Variants in GRID2 observed in about 807,000 individuals in gnomAD.
The protein encoded by GRID2 is glutamate ionotropic receptor delta type subunit 2, also known as glutamate receptor ionotropic, delta-2.
Under a neutral mutation model 114.8 loss-of-function variants are expected in GRID2, and 33 were observed. That is an observed-to-expected ratio of 0.29 (90% CI 0.22 to 0.38). The LOEUF (loss-of-function observed/expected upper bound fraction) is 0.38, where lower values mean the gene tolerates loss of function less well. Among genes scored for constraint, GRID2 ranks in the 10% least tolerant of loss-of-function variants. GRID2 has a pLI of 1.00. For missense variants in GRID2, 1,184 were observed against 1,257.7 expected, an observed-to-expected ratio of 0.94 and a Z score of 0.89; for synonymous variants, 505 against 449.9, an observed-to-expected ratio of 1.12 and a Z score of -1.55.
chr4:92,495,872 G>A (rs1377413797), intron 1 of GRID2, among the ~76,000 whole-genome samples: 2 of 151,848 alleles, frequency 1.3e-5, no homozygotes, highest in Non-Finnish European at 2.9e-5. Flanking sequence ...AGTGAGATCG[G>A]AAAGATTTTA....
chr4:92,351,432 A>G (rs1728066004), intron 1 of GRID2, among the ~76,000 whole-genome samples: 1 of 151,844 alleles, frequency 6.6e-6, no homozygotes, highest in African/African-American at 2.4e-5. Flanking sequence ...TGATACATGT[A>G]TGCAATGTAT....
chr4:92,572,139 G>T (rs1367895339), intron 1 of GRID2, among the ~76,000 whole-genome samples: 2 of 151,908 alleles, frequency 1.3e-5, no homozygotes, highest in East Asian at 1.9e-4. Flanking sequence ...CTGCTAGCAA[G>T]ACTAATAAAG....
intron 1 of GRID2, among the ~76,000 whole-genome samples, chr4:92,413,788 T>A (rs1731451939): frequency 6.6e-6 from 1 of 152,126 alleles, no homozygotes; most frequent in African/African-American, 2.4e-5. Context: ...TGATAGTAAT[T>A]TCACTGCTGT....
chr4:92,771,598 G>A lies in GRID2; in HGVS notation c.244+181312G>A, dbSNP rs181248292. Among the ~76,000 whole-genome samples, 25 of 152,212 alleles carry A rather than the reference G, an allele frequency of 1.6e-4. No individual in the cohort carries two copies. In the East Asian group the frequency reaches 2.7e-3, roughly 16 times the overall value. On this transcript the variant is annotated intron_variant, in intron 2 of 15. Transcript: ENST00000282020. The stretch of plus-strand genomic sequence containing the variant: ...TTTCAAATGGTCTAAGATGTTGTTT[G>A]TCTACATAATTCTTCCTTTGATTAT...
chr4:93,008,032 C>CAAAA (rs1273416294), intron 2 of GRID2, among the ~76,000 whole-genome samples: 2 of 62,462 alleles, frequency 3.2e-5, no homozygotes, highest in Admixed American at 1.8e-4. Flanking sequence ...GAGACTGTCA[C>CAAAA]AAAAAAAAAA....
intron 1 of GRID2, among the ~76,000 whole-genome samples, chr4:92,308,268 A>G (rs185390926): frequency 6.6e-6 from 1 of 152,154 alleles, no homozygotes; most frequent in Non-Finnish European, 1.5e-5. Flanking sequence ...AGTTTAATAT[A>G]TGCTCCTTTC....
intron 2 of GRID2, among the ~76,000 whole-genome samples, chr4:92,967,984 G>A (rs918191083): frequency 4.0e-5 from 6 of 151,786 alleles, no homozygotes; most frequent in African/African-American, 1.5e-4. Context: ...ATGAATGTAA[G>A]CATGAGTGCA....
chr4:92,760,010 G>T (rs2149344614), intron 2 of GRID2, among the ~76,000 whole-genome samples: 1 of 151,428 alleles, frequency 6.6e-6, no homozygotes, highest in South Asian at 2.1e-4. Flanking sequence ...ACATAGCTGA[G>T]GCGGGTGGAT....
rs1732498257 is a variant in GRID2, at chr4:92,432,256, A to ATTTAAGGCC, written c.88+127513_88+127514insTTAAGGCCT. On this transcript the variant is annotated intron_variant, in intron 1 of 15. Transcript: ENST00000282020. Reference sequence around the variant, plus strand: ...GGCGACCACTGCCTGGCTACTACTGATGGTCATTTAAGGCCCAAGGGTTCT... The same window carrying ATTTAAGGCC: ...GGCGACCACTGCCTGGCTACTACTGATTTAAGGCCTGGTCATTTAAGGCCCAAGGGTTCT... Among the ~76,000 whole-genome samples the ATTTAAGGCC allele has an allele frequency of 2.0e-5, 3 of 152,184 alleles. No homozygotes were observed. The East Asian group carries it at 5.8e-4, about 30-fold the overall frequency.
chr4:92,531,439 A>G (rs1560692692), intron 1 of GRID2, among the ~76,000 whole-genome samples: 2 of 152,008 alleles, frequency 1.3e-5, no homozygotes, highest in South Asian at 4.1e-4. Flanking sequence ...CATGGAGACA[A>G]CAACATTTAG....
intron 14 of GRID2, among the ~76,000 whole-genome samples, chr4:93,680,493 C>A (rs1725406061): frequency 6.6e-6 from 1 of 151,196 alleles, no homozygotes; most frequent in African/African-American, 2.4e-5. Flanking sequence ...AATTTTAGAC[C>A]AATATCCTTG....
intron 2 of GRID2, among the ~76,000 whole-genome samples, chr4:92,724,468 A>C (rs944269321): frequency 7.9e-5 from 12 of 152,192 alleles, no homozygotes; most frequent in African/African-American, 2.9e-4. Context: ...AAAAAGTTGC[A>C]CTTGGAGTCT....
rs533715783 is a variant in GRID2, at chr4:92,569,860, A to T, written c.89-20271A>T. 1.2e-3 allele frequency among the ~76,000 whole-genome samples: 184 copies of T among 151,826 alleles called. 2 individuals carry two copies. Among genetic ancestry groups the T allele is most frequent in the Middle Eastern group, 6.8e-3 (2 of 294 alleles). Reference sequence around the variant, plus strand: ...GTTCCTTATAGATGCTGGATATTAGACCTTTGTCAAATGGGTAGATTGCAA... The same window carrying T: ...GTTCCTTATAGATGCTGGATATTAGTCCTTTGTCAAATGGGTAGATTGCAA... On this transcript the variant is annotated intron_variant, in intron 1 of 15. Transcript: ENST00000282020.
Position 92,845,250 on chromosome 4 carries a change from T to C in GRID2, c.245-239745T>C, listed in dbSNP as rs1229994560. Among the ~76,000 whole-genome samples the C allele has an allele frequency of 2.6e-5, 4 of 152,152 alleles. No homozygotes were observed. In the East Asian group the frequency reaches 5.8e-4, roughly 22 times the overall value. On this transcript the variant is annotated intron_variant, in intron 2 of 15. Transcript: ENST00000282020. The stretch of plus-strand genomic sequence containing the variant: ...TGAAACTCTTTTTATTCTCTTGGTT[T>C]ATTTTTTGGTTTGTTTTTGATGCTC...
At chr4:93,604,843 A>G (rs929709825) in intron 13 of GRID2, among the ~76,000 whole-genome samples, 16 of 152,236 alleles carry the variant, frequency 1.1e-4, no homozygotes, top group African/African-American at 3.6e-4. Context: ...TAATTCGGGT[A>G]TGTACATTGG....
At chr4:92,368,614 A>T (rs976117187) in intron 1 of GRID2, among the ~76,000 whole-genome samples, 3 of 151,998 alleles carry the variant, frequency 2.0e-5, no homozygotes. Flanking sequence ...GCTCATGAAG[A>T]GTTTATAATC....
chr4:93,513,702 G>A (rs761874508), intron 12 of GRID2, among the ~76,000 whole-genome samples: 11 of 152,110 alleles, frequency 7.2e-5, no homozygotes, highest in Non-Finnish European at 1.3e-4. Context: ...AGTTTCCATG[G>A]AGTAAATAAT....
intron 2 of GRID2, among the ~76,000 whole-genome samples, chr4:92,815,530 ATTTAC>A (rs901648892): frequency 6.6e-5 from 10 of 152,220 alleles, no homozygotes; most frequent in African/African-American, 2.2e-4. Flanking sequence ...GGTATAGGAA[ATTTAC>A]TTTAGTTTCC....
At chr4:92,846,030 A>C (rs772840426) in intron 2 of GRID2, among the ~76,000 whole-genome samples, 1 of 152,026 alleles carries the variant, frequency 6.6e-6, no homozygotes, top group Non-Finnish European at 1.5e-5. Context: ...AGAGAAATCT[A>C]TCTCTTCTTA....
Sources: allele counts gnomAD v4.1 joint callset (sites outside exome capture counted in the v4.1 genomes callset), GRCh38; gene constraint gnomAD v4.1.1; transcripts MANE v1.5; gene names NCBI Gene and HGNC (gene_info 2026-07-23, HGNC 2026-07-21).